The following USP6NL variants were observed in gnomAD, a reference collection of about 807,000 sequenced individuals.
The protein encoded by USP6NL is USP6 N-terminal-like protein.
Under a neutral mutation model 61.9 loss-of-function variants are expected in USP6NL, and 26 were observed. The ratio of observed to expected loss-of-function variants is 0.42; its 90% CI spans 0.31 to 0.58. The LOEUF is 0.58. Ranked by LOEUF, USP6NL falls within the 20% of genes least tolerant of loss-of-function variation. USP6NL has a pLI of 0.16. For synonymous variants in USP6NL, 432 were observed against 390.1 expected, an observed-to-expected ratio of 1.11 and a Z score of -1.27; for missense variants, 1,114 against 1,034.3, an observed-to-expected ratio of 1.08 and a Z score of -1.06.
rs1182299805 is a variant in USP6NL, at chr10:11,491,865, G to C, written c.495-985C>G. Among the ~76,000 whole-genome samples the C allele has an allele frequency of 2.0e-5, 3 of 152,208 alleles. No homozygotes were observed. The highest frequency in any genetic ancestry group is 1.3e-4 in the Admixed American group (2 of 15,290). ...TGAGGGCAAAGGGAATATGGAATGG[G>C]CAGTGAAACGTGGCATTATAAACAC... On this transcript the variant is annotated intron_variant, in intron 8 of 14. Transcript: ENST00000609104. This position sits in a 1 kb window ranked among gnomAD's most constrained non-coding sequence, Gnocchi z 4.7.
At chr10:11,583,978 G>A (rs1449575631) in intron 2 of USP6NL, among the ~76,000 whole-genome samples, 2 of 152,116 alleles carry the variant, frequency 1.3e-5, no homozygotes, top group East Asian at 1.9e-4. Flanking sequence ...GCAGTGAGGC[G>A]AGATCACGTC....
rs1319720064 is a variant in USP6NL, at chr10:11,520,809, G to C, written c.156-2235C>G. On this transcript the variant is annotated intron_variant, in intron 4 of 14. Transcript: ENST00000609104. This position sits in a 1 kb window ranked among gnomAD's most constrained non-coding sequence, Gnocchi z 5.2. ...TGCAACAGCAGGGTTAAGCAGTTGT[G>C]ACAAAGACCGTATGACCTACAAAGC... Among the ~76,000 whole-genome samples the C allele has an allele frequency of 1.3e-5, 2 of 152,216 alleles. No homozygotes were observed. The highest frequency in any genetic ancestry group is 2.4e-5 in the African/African-American group (1 of 41,448).
chr10:11,581,774 T>C (rs185791568), intron 2 of USP6NL, among the ~76,000 whole-genome samples: 1 of 152,344 alleles, frequency 6.6e-6, no homozygotes, highest in Non-Finnish European at 1.5e-5. Context: ...TTGGTTTTTG[T>C]TTGTTTGCTT....
chr10:11,549,982 T>C (rs1193351680), intron 2 of USP6NL, among the ~76,000 whole-genome samples: 13 of 152,222 alleles, frequency 8.5e-5, no homozygotes, highest in Admixed American at 4.6e-4. Context: ...TTGCAAATGA[T>C]AGCAAGATTT....
chr10:11,562,042 AG>A lies in USP6NL; in HGVS notation c.5-34476del. Among the ~76,000 whole-genome samples the A allele has an allele frequency of 6.6e-6, 1 of 152,350 alleles. No homozygotes were observed. Among genetic ancestry groups the A allele is most frequent in the South Asian group, 2.1e-4 (1 of 4,824 alleles). Reference sequence around the variant, plus strand: ...ATGCCTGTAATCCCAGCACTTTGTGAGGCCAAGGCAGGCAGATCACGAGGTC... The same window carrying A: ...ATGCCTGTAATCCCAGCACTTTGTGAGCCAAGGCAGGCAGATCACGAGGTC... On this transcript the variant is annotated intron_variant, in intron 2 of 14. Transcript: ENST00000609104. The surrounding 1 kb of genome is among the most constrained non-coding windows in gnomAD (Gnocchi z 4.8).
chr10:11,484,354 G>A (rs191966931), intron 13 of USP6NL, among the ~76,000 whole-genome samples: 1 of 150,710 alleles, frequency 6.6e-6, no homozygotes, highest in Admixed American at 6.6e-5. Context: ...CAAATTTATA[G>A]AGCCCTTAAA....
chr10:11,550,487 G>A (rs1476379471), intron 2 of USP6NL, among the ~76,000 whole-genome samples: 1 of 152,150 alleles, frequency 6.6e-6, no homozygotes, highest in East Asian at 1.9e-4. Flanking sequence ...CGAGCACTGT[G>A]GCTCACACCT....
chr10:11,579,960 T>TGCGGGG (rs1555173666), intron 2 of USP6NL, among the ~76,000 whole-genome samples: 12 of 98,092 alleles, frequency 1.2e-4, no homozygotes, highest in African/African-American at 3.8e-4. Context: ...CAGTGGAGAG[T>TGCGGGG]GGCGGGGGGG....
At chr10:11,502,055 G>A (rs1834221440) in intron 6 of USP6NL, among the ~76,000 whole-genome samples, 1 of 152,022 alleles carries the variant, frequency 6.6e-6, no homozygotes, top group Admixed American at 6.6e-5. Context: ...TCAGGAGATG[G>A]AGACCATCCT....
chr10:11,469,710 G>C (rs960899497), intron 14 of USP6NL, among the ~76,000 whole-genome samples: 1 of 152,174 alleles, frequency 6.6e-6, no homozygotes, highest in Non-Finnish European at 1.5e-5. Flanking sequence ...AACCAAGTGA[G>C]GCTGGAGGCC....
rs1416830333 is a variant in USP6NL, at chr10:11,462,608, C to T, written c.2320G>A (p.Asp774Asn). 6.2e-7 allele frequency: 1 copy of T among 1,613,976 alleles called. No homozygotes were observed. The highest frequency in any genetic ancestry group is 1.7e-5 in the Admixed American group (1 of 60,024). ...ACAGAAACTGCAGGGAGGCCATGGT[C>T]CTGAAAGGGTGCGAGTTGAAAGGCT... ...YSAFQLAPFQ[D>N]HGLPAVSVDS... The change falls in exon 15 of 15, where the codon GAC becomes AAC. Residue 774 changes from aspartate to asparagine, a missense_variant. Coordinates refer to ENST00000609104, the MANE Select transcript of USP6NL (RefSeq NM_014688.5).
chr10:11,549,934 TCTGTTGTCGGCCTTAGATTCTTG>T (rs1306003161), intron 2 of USP6NL, among the ~76,000 whole-genome samples: 1 of 152,238 alleles, frequency 6.6e-6, no homozygotes, highest in African/African-American at 2.4e-5. Flanking sequence ...TTGAATAAGC[TCTGTTGTCGGCCTTAGATTCTTG>T]CTGAAAAAAG....
chr10:11,465,118 T>C lies in USP6NL; in HGVS notation c.1079-1269A>G, dbSNP rs1373472777. On this transcript the variant is annotated intron_variant, in intron 14 of 14. Transcript: ENST00000609104. The surrounding 1 kb of genome is among the most constrained non-coding windows in gnomAD (Gnocchi z 4.5). ...AGGCAAATAATCCCAACAAACACAA[T>C]TTATCAAGAAGATATAAAGACATGA... Among the ~76,000 whole-genome samples, 1 of 152,172 alleles carries C rather than the reference T, an allele frequency of 6.6e-6. No homozygotes were observed. Among genetic ancestry groups the C allele is most frequent in the Non-Finnish European group, 1.5e-5 (1 of 68,020 alleles).
rs73569153 is a variant in USP6NL at position 11,535,574 on chromosome 10, C to G, written c.5-8007G>C. Among the ~76,000 whole-genome samples, 1,285 of 152,312 alleles carry G rather than the reference C, an allele frequency of 8.4e-3. 18 individuals carry two copies. The highest frequency in any genetic ancestry group is 0.029 in the African/African-American group (1,212 of 41,572). Reference sequence around the variant, plus strand: ...AGAGCAAAGCAGTCACCACAAGAGACCTTTTAGCCCAAAAGAGACTGAATA... The same window carrying G: ...AGAGCAAAGCAGTCACCACAAGAGAGCTTTTAGCCCAAAAGAGACTGAATA... On this transcript the variant is annotated intron_variant, in intron 2 of 14. Coordinates refer to ENST00000609104, the MANE Select transcript of USP6NL (RefSeq NM_014688.5).
chr10:11,584,091 T>G (rs1411749374), intron 2 of USP6NL, among the ~76,000 whole-genome samples: 1 of 151,984 alleles, frequency 6.6e-6, no homozygotes, highest in Non-Finnish European at 1.5e-5. Context: ...GGCGTGTGCC[T>G]GTAGTCCCAG....
chr10:11,586,213 A>T (rs767019241), intron 2 of USP6NL, among the ~76,000 whole-genome samples: 1 of 152,224 alleles, frequency 6.6e-6, no homozygotes, highest in Non-Finnish European at 1.5e-5. Context: ...CACAATTACC[A>T]GAGCAAATGT....
Position 11,567,958 on chromosome 10 carries a change from C to G in USP6NL, c.4+29673G>C, listed in dbSNP as rs1199603038. On this transcript the variant is annotated intron_variant, in intron 2 of 14. Transcript: ENST00000609104. ...ATCCAGGATCGAGACCTCTGTCTGT[C>G]TGATTAATGCCCACGCTCTTAGCTA... Among the ~76,000 whole-genome samples, 5 of 151,862 alleles carry G rather than the reference C, an allele frequency of 3.3e-5. No individual in the cohort carries two copies. In the East Asian group the frequency reaches 7.7e-4, roughly 23 times the overall value.
intron 1 of USP6NL, among the ~76,000 whole-genome samples, chr10:11,609,424 G>C (rs1419431652): frequency 1.3e-5 from 2 of 151,724 alleles, no homozygotes; most frequent in Non-Finnish European, 2.9e-5. Flanking sequence ...CTGGTAATTA[G>C]AGGTCTGCAT....
intron 13 of USP6NL, among the ~76,000 whole-genome samples, chr10:11,483,600 GGGGGGAGGGGGAGAGGGGGGGAGA>G (rs1833313431): frequency 1.1e-4 from 2 of 18,490 alleles, no homozygotes; most frequent in Admixed American, 4.4e-4. Flanking sequence ...GAGAGGGGGA[GGGGGGAGGGGGAGAGGGGGGGAGA>G]AGGGGAGGGA....
Sources: gnomAD v4.1 joint callset for allele counts (sites outside exome capture counted in the v4.1 genomes callset) on GRCh38, gnomAD v4.1.1 for gene constraint, Gnocchi (gnomAD v3.1) non-coding constraint, MANE v1.5 for transcripts, NCBI Gene and HGNC (gene_info 2026-07-23, HGNC 2026-07-21) for gene names.